SYNE1: variants seen among roughly 807,000 people sequenced by gnomAD.
SYNE1 encodes nesprin-1.
Under a neutral mutation model 1,111.0 loss-of-function variants are expected in SYNE1, and 616 were observed. The observed-to-expected ratio is 0.55, with a 90% CI of 0.52 to 0.59. The LOEUF (loss-of-function observed/expected upper bound fraction) is 0.59. SYNE1 is among the 20% of genes least tolerant of loss of function. SYNE1 has a pLI of 0.00. For synonymous variants in SYNE1, 3,855 were observed against 3,825.8 expected, an observed-to-expected ratio of 1.01 and a Z score of -0.28; for missense variants, 10,006 against 10,417.0, an observed-to-expected ratio of 0.96 and a Z score of 1.72.
intron 129 of SYNE1, among the ~76,000 whole-genome samples, chr6:152,176,980 T>C (rs546236143): frequency 4.6e-5 from 7 of 152,182 alleles, no homozygotes; most frequent in African/African-American, 1.2e-4. Context: ...CACACACACA[T>C]ATATATATGC....
chr6:152,534,170 A>AAATG lies in SYNE1; in HGVS notation c.129+5786_129+5789dup, dbSNP rs770216813. Among the ~76,000 whole-genome samples the AAATG allele has an allele frequency of 5.5e-3, 805 of 146,182 alleles. 4 individuals are homozygous for AAATG. Among genetic ancestry groups the AAATG allele is most frequent in the East Asian group, 0.014 (72 of 5,034 alleles). The stretch of plus-strand genomic sequence containing the variant: ...AAGACTCTGTCTCAAAAAAATAAAT[A>AAATG]AATGAATGAATGAATGAATGAATGA... On this transcript the variant is annotated intron_variant, in intron 4 of 145. Coordinates refer to ENST00000367255, the MANE Select transcript of SYNE1 (RefSeq NM_182961.4).
At position 152,409,153 on chromosome 6, in the gene SYNE1, A is replaced by T. The variant is rs1401992960; in HGVS notation, c.6455T>A (p.Leu2152Ter). Residue 2152 changes from leucine to a stop codon, truncating the protein, a stop_gained, in exon 44 of 146, where the codon TTG becomes TAG. Transcript: ENST00000367255. LOFTEE classifies it high-confidence loss of function. Reference protein sequence around the residue: ...LDNFTSKGKHLLSELKKIHSS... With the variant: ...LDNFTSKGKH Reference sequence around the variant, plus strand: ...GTGAATTTTCTTCAGCTCAGATAACAAGTGTTTTCCTTTGCTGGTAAAGTT... The same window carrying T: ...GTGAATTTTCTTCAGCTCAGATAACTAGTGTTTTCCTTTGCTGGTAAAGTT... 6.2e-7 allele frequency: 1 copy of T among 1,614,158 alleles called. No individual in the cohort carries two copies. Among genetic ancestry groups the T allele is most frequent in the Admixed American group, 1.7e-5 (1 of 60,018 alleles).
chr6:152,219,384 C>T (rs2079535082), intron 119 of SYNE1, among the ~76,000 whole-genome samples, 199 bp from the exon 120 acceptor site: 1 of 151,380 alleles, frequency 6.6e-6, no homozygotes, highest in African/African-American at 2.4e-5. Flanking sequence ...TTTAAACATA[C>T]ATTATACACA....
chr6:152,539,398 C>T (rs2623988), intron 4 of SYNE1, among the ~76,000 whole-genome samples: 91,463 of 151,982 alleles, frequency 0.6, 28,373 homozygotes, highest in East Asian at 0.75. Flanking sequence ...TTTATATTAG[C>T]ATTTATGTTC....
rs777157450 is a variant in SYNE1 at position 152,330,018 on chromosome 6, G to T, written c.14667C>A (p.Phe4889Leu). The change falls in exon 78 of 146, where the codon TTC becomes TTA. Residue 4889 changes from phenylalanine (F) to leucine (L), a missense_variant. Phe to Leu is a conservative substitution (Grantham distance 22). Around this residue, in one of 7 missense-constraint regions of SYNE1, gnomAD observed 4,955 missense variants for 5,017.2 expected, o/e 0.99. Coordinates refer to ENST00000367255, the MANE Select transcript of SYNE1 (RefSeq NM_182961.4). ...CESRMVQSID[F>L]QTEMSRSLDW... ...CCAGGGAGCGACTCATCTCAGTCTGGAAGTCTATACTCTGCACCATTCGGC... is the reference window on the plus strand; with the variant it reads ...CCAGGGAGCGACTCATCTCAGTCTGTAAGTCTATACTCTGCACCATTCGGC... 6.2e-7 allele frequency: 1 copy of T among 1,614,118 alleles called. No individual in the cohort carries two copies. Among genetic ancestry groups the T allele is most frequent in the Non-Finnish European group, 8.5e-7 (1 of 1,180,030 alleles).
At position 152,133,257 on chromosome 6, in the gene SYNE1, A is replaced by G; in HGVS notation, c.26001+19T>C. 1 of 1,609,166 alleles carries G rather than the reference A, an allele frequency of 6.2e-7. No individual in the cohort carries two copies. The highest frequency in any genetic ancestry group is 8.5e-7 in the Non-Finnish European group (1 of 1,175,566). ...CTCCAGTAAGAAATGCTACACGATGATGTCTGTTTATTGCTTACCTGCTGA... is the reference window on the plus strand; with the variant it reads ...CTCCAGTAAGAAATGCTACACGATGGTGTCTGTTTATTGCTTACCTGCTGA... On this transcript the variant is annotated intron_variant, in intron 143 of 145. Transcript: ENST00000367255.
chr6:152,169,266 A>G (rs1184802509), intron 130 of SYNE1, among the ~76,000 whole-genome samples: 1 of 152,140 alleles, frequency 6.6e-6, no homozygotes, highest in African/African-American at 2.4e-5. Flanking sequence ...CAGGAAACAC[A>G]TTTTCTTAAT....
chr6:152,373,126 C>G lies in SYNE1; in HGVS notation c.9418G>C (p.Ala3140Pro), dbSNP rs760544192. ...GTAACTTTGGCCTGGATCCCTTTCGCTTTCTCTTTGGTCAGCAGGGTACTC... is the reference window on the plus strand; with the variant it reads ...GTAACTTTGGCCTGGATCCCTTTCGGTTTCTCTTTGGTCAGCAGGGTACTC... ...LLSTLLTKEK[A>P]KGIQAKVTAA... The change falls in exon 59 of 146, where the codon GCG becomes CCG. Residue 3140 changes from alanine (A) to proline (P), a missense_variant. Coordinates refer to ENST00000367255, the MANE Select transcript of SYNE1 (RefSeq NM_182961.4). 3 of 1,614,114 alleles carry G rather than the reference C, an allele frequency of 1.9e-6. No individual in the cohort carries two copies. The highest frequency in any genetic ancestry group is 2.5e-6 in the Non-Finnish European group (3 of 1,180,022).
intron 130 of SYNE1, among the ~76,000 whole-genome samples, chr6:152,175,126 G>A (rs1171333742): frequency 6.6e-6 from 1 of 152,212 alleles, no homozygotes; most frequent in African/African-American, 2.4e-5. Context: ...CTGGGAGGCA[G>A]AGGTTGCAGA....
chr6:152,284,945 A>T (rs1374634646), intron 95 of SYNE1, among the ~76,000 whole-genome samples: 7 of 151,758 alleles, frequency 4.6e-5, no homozygotes. Context: ...CATTTTTCTC[A>T]TTTACCAAAC....
intron 98 of SYNE1, 61 bp from the exon 99 acceptor site, chr6:152,269,347 G>C (rs561319415): frequency 6.2e-7 from 1 of 1,611,864 alleles, no homozygotes; most frequent in South Asian, 1.1e-5. Flanking sequence ...AACCAAAGGG[G>C]AGAGAAGGCT....
intron 3 of SYNE1, among the ~76,000 whole-genome samples, chr6:152,595,810 C>T (rs1261836653): frequency 6.6e-6 from 1 of 152,106 alleles, no homozygotes; most frequent in African/African-American, 2.4e-5. Context: ...CACACAGCTG[C>T]CTCACCTGTA....
At chr6:152,434,230 G>A in intron 33 of SYNE1, 1 of 392,638 alleles carries the variant, frequency 2.5e-6, no homozygotes, top group Non-Finnish European at 4.6e-6. Flanking sequence ...AATCCAGGTA[G>A]AATCTAATTA....
Position 152,310,530 on chromosome 6 carries a change from A to T in SYNE1, c.16897-12T>A. On this transcript the variant is annotated splice_polypyrimidine_tract_variant and intron_variant, in intron 88 of 145. Transcript: ENST00000367255. ...AATTTTTTCATATCCTAGAGAGTCAATATCAATGTATTGTACTTGAAGTTC... is the reference window on the plus strand; with the variant it reads ...AATTTTTTCATATCCTAGAGAGTCATTATCAATGTATTGTACTTGAAGTTC... The T allele has an allele frequency of 6.2e-7, 1 of 1,613,970 alleles. No homozygotes were observed. The highest frequency in any genetic ancestry group is 8.5e-7 in the Non-Finnish European group (1 of 1,180,032).
rs200956314 is a variant in SYNE1 at position 152,334,083 on chromosome 6, C to T, written c.12719G>A (p.Arg4240Lys). 15 of 1,614,040 alleles carry T rather than the reference C, an allele frequency of 9.3e-6. No homozygotes were observed. The highest frequency in any genetic ancestry group is 1.3e-5 in the Non-Finnish European group (15 of 1,180,030). Residue 4240 changes from arginine (R) to lysine (K), a missense_variant, in exon 77 of 146, where the codon AGA (arginine) becomes AAA (lysine). Transcript: ENST00000367255. ...LQREEDLQRT[R>K]DYHDCMNVVE... ...AACATTCATACAGTCATGGTAATCTCTTGTTCTCTGAAGATCCTCTTCCCT... is the reference window on the plus strand; with the variant it reads ...AACATTCATACAGTCATGGTAATCTTTTGTTCTCTGAAGATCCTCTTCCCT...
intron 96 of SYNE1, among the ~76,000 whole-genome samples, chr6:152,283,489 A>G (rs1299213643): frequency 6.6e-6 from 1 of 152,210 alleles, no homozygotes; most frequent in East Asian, 1.9e-4. Flanking sequence ...TCATGGCTAC[A>G]CACTGACTGT....
At chr6:152,259,261 G>A (rs983498889) in intron 101 of SYNE1, among the ~76,000 whole-genome samples, 20 of 151,906 alleles carry the variant, frequency 1.3e-4, no homozygotes, top group Admixed American at 1.3e-3. Flanking sequence ...TATGGATCCT[G>A]TCATAGTTGC....
chr6:152,536,417 ATATATT>A (rs2099241269), intron 4 of SYNE1, among the ~76,000 whole-genome samples: 1 of 137,402 alleles, frequency 7.3e-6, no homozygotes, highest in Non-Finnish European at 1.5e-5. Flanking sequence ...ATAGTAATAT[ATATATT>A]TATATATATA....
At chr6:152,323,263 C>G (rs910113163) in intron 82 of SYNE1, among the ~76,000 whole-genome samples, 1 of 152,064 alleles carries the variant, frequency 6.6e-6, no homozygotes, top group Non-Finnish European at 1.5e-5. Flanking sequence ...ACGGTGAAAC[C>G]CCGTCTCTAC....
Sources: gnomAD v4.1 joint callset for allele counts (sites outside exome capture counted in the v4.1 genomes callset) on GRCh38, gnomAD v4.1.1 for gene constraint, gnomAD v4.1.1 regional missense constraint, MANE v1.5 for transcripts, NCBI Gene and HGNC (gene_info 2026-07-23, HGNC 2026-07-21) for gene names.